PXDNL: variants seen among roughly 807,000 people sequenced by gnomAD.
PXDNL encodes the protein peroxidasin like, also known as probable oxidoreductase PXDNL.
Under a neutral mutation model 150.8 loss-of-function variants are expected in PXDNL, and 145 were observed. The ratio of observed to expected loss-of-function variants is 0.96; its 90% CI spans 0.84 to 1.10. The LOEUF is 1.10. PXDNL is among the 50% of genes least tolerant of loss of function. The pLI is 0.00. For synonymous variants in PXDNL, 757 were observed against 725.7 expected, an observed-to-expected ratio of 1.04 and a Z score of -0.69; for missense variants, 2,087 against 1,873.9, an observed-to-expected ratio of 1.11 and a Z score of -2.10.
At chr8:51,712,029 C>T (rs1174450168) in intron 1 of PXDNL, among the ~76,000 whole-genome samples, 1 of 152,088 alleles carries the variant, frequency 6.6e-6, no homozygotes, top group Non-Finnish European at 1.5e-5. Context: ...CCCTGATTGA[C>T]TAAAACTAGG....
chr8:51,722,480 TG>T (rs1479911242), intron 1 of PXDNL, among the ~76,000 whole-genome samples: 4 of 152,202 alleles, frequency 2.6e-5, no homozygotes, highest in Non-Finnish European at 4.4e-5. Flanking sequence ...AGTGCCCTCT[TG>T]GTACCTGGGT....
intron 2 of PXDNL, among the ~76,000 whole-genome samples, chr8:51,629,185 G>C (rs561605060): frequency 2.6e-5 from 4 of 152,170 alleles, no homozygotes; most frequent in African/African-American, 9.6e-5. Flanking sequence ...AATATCCATA[G>C]AGAAATAGAA....
chr8:51,791,484 ACAGT>A lies in PXDNL; in HGVS notation c.164+17693_164+17696del, dbSNP rs2037512831. ...TCACGAAATGAAAAGCCATTCTCTA[ACAGT>A]CAGAGAGTACCCAGGGATTGGGTTA... is the stretch of plus-strand genomic sequence containing the variant. On this transcript the variant is annotated intron_variant, in intron 1 of 22. Coordinates refer to ENST00000356297, the MANE Select transcript of PXDNL (RefSeq NM_144651.5). Among the ~76,000 whole-genome samples, 2 of 152,214 alleles carry A rather than the reference ACAGT, an allele frequency of 1.3e-5. 1 individual carries two copies. Among genetic ancestry groups the A allele is most frequent in the Admixed American group, 1.3e-4 (2 of 15,282 alleles).
At chr8:51,343,623 G>T (rs1806056059) in intron 20 of PXDNL, among the ~76,000 whole-genome samples, 2 of 152,142 alleles carry the variant, frequency 1.3e-5, no homozygotes, top group African/African-American at 4.8e-5. Context: ...ATGAGTCTTT[G>T]AGGTAAAACC....
chr8:51,371,801 T>G (rs985885600), intron 19 of PXDNL, 72 bp downstream of exon 19: 1 of 1,309,236 alleles, frequency 7.6e-7, no homozygotes. Context: ...GCATAATCTT[T>G]ACCACTGAAA....
At chr8:51,636,692 T>C (rs963988548) in intron 2 of PXDNL, among the ~76,000 whole-genome samples, 2 of 151,942 alleles carry the variant, frequency 1.3e-5, no homozygotes, top group African/African-American at 2.4e-5. Flanking sequence ...AAGACCTAAA[T>C]AAATGAAAAA....
chr8:51,701,589 T>C (rs1472277858), intron 1 of PXDNL, among the ~76,000 whole-genome samples: 3 of 152,212 alleles, frequency 2.0e-5, no homozygotes, highest in Non-Finnish European at 4.4e-5. Context: ...GCAATTAGCA[T>C]CATCTCTGCA....
chr8:51,626,614 G>A (rs1285633257), intron 2 of PXDNL, among the ~76,000 whole-genome samples: 1 of 152,118 alleles, frequency 6.6e-6, no homozygotes, highest in Non-Finnish European at 1.5e-5. Flanking sequence ...ACAGCACCTG[G>A]CACAGGTAAA....
intron 1 of PXDNL, 139 bp from the exon 2 acceptor site, chr8:51,654,899 A>G (rs11777938): frequency 0.033 from 22,609 of 684,888 alleles, 509 homozygotes; most frequent in Middle Eastern, 0.052. Flanking sequence ...AGACAGAACT[A>G]GTGCACATCA....
intron 5 of PXDNL, among the ~76,000 whole-genome samples, chr8:51,490,861 C>G (rs1810875337): frequency 6.6e-6 from 1 of 151,648 alleles, no homozygotes; most frequent in Non-Finnish European, 1.5e-5. Flanking sequence ...AATCTATTAC[C>G]TAGCTGTGAT....
intron 4 of PXDNL, among the ~76,000 whole-genome samples, chr8:51,518,463 C>T (rs1811592023): frequency 6.6e-6 from 1 of 152,070 alleles, no homozygotes; most frequent in South Asian, 2.1e-4. Context: ...ATGCTCAAAA[C>T]TGTGGAATAC....
chr8:51,637,852 G>T (rs530939244), intron 2 of PXDNL, among the ~76,000 whole-genome samples: 1 of 152,006 alleles, frequency 6.6e-6, no homozygotes, highest in Admixed American at 6.6e-5. Context: ...TACAGAGAAC[G>T]CCACAAAGAT....
Position 51,408,688 on chromosome 8 carries a change from T to A in PXDNL, c.2936A>T (p.Asn979Ile), listed in dbSNP as rs774422144. The A allele has an allele frequency of 1.3e-6, 2 of 1,596,076 alleles. No individual in the cohort carries two copies. The highest frequency in any genetic ancestry group is 3.5e-5 in the Admixed American group (2 of 57,368). The change falls in exon 17 of 23, where the codon AAC (asparagine) becomes ATC (isoleucine). Residue 979 changes from asparagine (N) to isoleucine (I), a missense_variant. Physicochemically the swap from Asn to Ile is moderately radical, Grantham distance 149. Transcript: ENST00000356297. ...GGCGGACAGCTCCGTGGCCATCCTGTTGTGTTCCCGGAACCACAGGGTGTG... is the reference window on the plus strand; with the variant it reads ...GGCGGACAGCTCCGTGGCCATCCTGATGTGTTCCCGGAACCACAGGGTGTG... Reference protein sequence around the residue: ...AMHTLWFREHNRMATELSALN... With the variant: ...AMHTLWFREHIRMATELSALN...
chr8:51,548,648 A>G (rs542744072), intron 4 of PXDNL, among the ~76,000 whole-genome samples: 2 of 152,230 alleles, frequency 1.3e-5, no homozygotes, highest in South Asian at 4.1e-4. Flanking sequence ...GAGAGAATTC[A>G]CCTCTATCAA....
chr8:51,760,471 G>A (rs1192253296), intron 1 of PXDNL, among the ~76,000 whole-genome samples: 1 of 152,138 alleles, frequency 6.6e-6, no homozygotes, highest in Non-Finnish European at 1.5e-5. Context: ...CAGAGTGTGA[G>A]ACAAACATGT....
chr8:51,668,177 T>TTTTTTTTTTTTTC, intron 1 of PXDNL, among the ~76,000 whole-genome samples: 2 of 21,458 alleles, frequency 9.3e-5, no homozygotes, highest in Non-Finnish European at 1.6e-4. Context: ...TCGCTCTCTC[T>TTTTTTTTTTTTTC]TTTTTTTTTT....
chr8:51,389,597 T>A (rs904327804), intron 17 of PXDNL, among the ~76,000 whole-genome samples: 6 of 152,232 alleles, frequency 3.9e-5, no homozygotes, highest in African/African-American at 1.4e-4. Flanking sequence ...GAGCAATGTC[T>A]ATGACTGATA....
intron 1 of PXDNL, among the ~76,000 whole-genome samples, chr8:51,708,466 T>C (rs1416191307): frequency 6.6e-6 from 1 of 152,144 alleles, no homozygotes; most frequent in Non-Finnish European, 1.5e-5. Flanking sequence ...AGAAGAATAA[T>C]GTAAAAGAAA....
intron 1 of PXDNL, among the ~76,000 whole-genome samples, chr8:51,780,543 AACT>A (rs5891432): frequency 0.69 from 104,048 of 151,634 alleles, 42,194 homozygotes; most frequent in Non-Finnish European, 0.9. Context: ...TGCTGTAATA[AACT>A]ACTACCATAC....
Sources: gnomAD v4.1 joint callset for allele counts (sites outside exome capture counted in the v4.1 genomes callset) on GRCh38, gnomAD v4.1.1 for gene constraint, MANE v1.5 for transcripts, NCBI Gene and HGNC (gene_info 2026-07-23, HGNC 2026-07-21) for gene names.